LAMA2: variants seen among roughly 807,000 people sequenced by gnomAD.
LAMA2 encodes the protein laminin subunit alpha 2, also known as laminin subunit alpha-2.
In LAMA2, 269 loss-of-function variants were observed where a neutral mutation model predicts 364.8. The observed-to-expected ratio is 0.74, with a 90% CI of 0.67 to 0.82. LAMA2 has a LOEUF of 0.82. Ranked by LOEUF, LAMA2 falls within the 40% of genes least tolerant of loss-of-function variation. The pLI, the probability that LAMA2 is intolerant of heterozygous loss-of-function variation, is 0.00. For synonymous variants in LAMA2, 1,379 were observed against 1,370.6 expected, an observed-to-expected ratio of 1.01 and a Z score of -0.14; for missense variants, 3,807 against 3,873.2, an observed-to-expected ratio of 0.98 and a Z score of 0.45.
At chr6:129,143,064 C>A (rs1778225706) in intron 4 of LAMA2, among the ~76,000 whole-genome samples, 3 of 151,948 alleles carry the variant, frequency 2.0e-5, no homozygotes, top group African/African-American at 4.8e-5. Context: ...CATCAGAATT[C>A]TTTGCTCTTG....
intron 29 of LAMA2, among the ~76,000 whole-genome samples, chr6:129,330,592 G>GTTT (rs1406358715): frequency 0.012 from 946 of 78,252 alleles, 13 homozygotes; most frequent in African/African-American, 0.048. Flanking sequence ...TTGTTGTTTG[G>GTTT]TTTTTGTTTT....
At chr6:129,492,887 C>T (rs533101432) in intron 58 of LAMA2, among the ~76,000 whole-genome samples, 591 of 152,320 alleles carry the variant, frequency 3.9e-3, no homozygotes, top group Non-Finnish European at 5.8e-3. Context: ...GGCGCGGTGG[C>T]TCACGCCTGT....
intron 12 of LAMA2, among the ~76,000 whole-genome samples, chr6:129,224,178 T>C (rs1340708323): frequency 2.0e-5 from 3 of 152,234 alleles, no homozygotes; most frequent in African/African-American, 7.2e-5. Context: ...ATGCTTGTGA[T>C]TTTTCTACAT....
At chr6:129,256,273 C>T (rs1171840324) in intron 14 of LAMA2, among the ~76,000 whole-genome samples, 2 of 152,106 alleles carry the variant, frequency 1.3e-5, no homozygotes, top group African/African-American at 4.8e-5. Context: ...CTCTGAGCCT[C>T]AGATTCTTCA....
At chr6:129,012,786 C>G (rs1454599577) in intron 1 of LAMA2, among the ~76,000 whole-genome samples, 5 of 152,158 alleles carry the variant, frequency 3.3e-5, no homozygotes, top group African/African-American at 1.2e-4. Flanking sequence ...GTGCTTGGCC[C>G]TCACTAATTA....
chr6:129,407,018 A>G (rs1256604877), intron 40 of LAMA2, among the ~76,000 whole-genome samples: 2 of 152,196 alleles, frequency 1.3e-5, no homozygotes, highest in Admixed American at 6.5e-5. Flanking sequence ...GGCAGGAAGT[A>G]TCCAGCATGG....
chr6:129,007,938 T>C (rs1784537187), intron 1 of LAMA2, among the ~76,000 whole-genome samples: 1 of 152,170 alleles, frequency 6.6e-6, no homozygotes, highest in African/African-American at 2.4e-5. Context: ...GTGGGCTTTA[T>C]TGGCTTCCCA....
At chr6:129,017,943 C>T (rs895699491) in intron 1 of LAMA2, among the ~76,000 whole-genome samples, 12 of 151,704 alleles carry the variant, frequency 7.9e-5, no homozygotes, top group African/African-American at 2.4e-4. Context: ...TAAATATATG[C>T]ACAGCAATAT....
At chr6:129,501,272 C>G (rs1785612487) in intron 58 of LAMA2, among the ~76,000 whole-genome samples, 1 of 152,172 alleles carries the variant, frequency 6.6e-6, no homozygotes, top group Non-Finnish European at 1.5e-5. Context: ...CATGCTGCCT[C>G]TAAAAGAGGC....
intron 1 of LAMA2, among the ~76,000 whole-genome samples, chr6:128,957,836 ATTTTTTTTTTTT>A (rs10652900): frequency 5.9e-5 from 3 of 51,264 alleles, no homozygotes; most frequent in Admixed American, 3.0e-4. Context: ...TACTTCATGC[ATTTTTTTTTTTT>A]TTTTTTTTTT....
At chr6:129,295,692 G>C (rs1773128995) in intron 20 of LAMA2, among the ~76,000 whole-genome samples, 1 of 151,760 alleles carries the variant, frequency 6.6e-6, no homozygotes, top group Admixed American at 6.6e-5. Flanking sequence ...AATCTCATTT[G>C]ATATTTGATT....
chr6:129,416,541 C>T (rs182673274), intron 40 of LAMA2, among the ~76,000 whole-genome samples: 22 of 152,234 alleles, frequency 1.4e-4, no homozygotes, highest in Admixed American at 5.9e-4. Flanking sequence ...CCAGTTCCAT[C>T]GCCCAGAGCC....
At chr6:129,136,134 T>C (rs978867572) in intron 4 of LAMA2, among the ~76,000 whole-genome samples, 1 of 152,134 alleles carries the variant, frequency 6.6e-6, no homozygotes, top group Non-Finnish European at 1.5e-5. Flanking sequence ...TTGTACGTCA[T>C]GCCCAATGGG....
intron 1 of LAMA2, among the ~76,000 whole-genome samples, chr6:129,033,603 G>T (rs998968508): frequency 1.3e-5 from 2 of 151,750 alleles, no homozygotes; most frequent in Non-Finnish European, 2.9e-5. Flanking sequence ...CCTTTTTTTG[G>T]TTTAAGGTTC....
At chr6:128,970,999 T>C (rs912836626) in intron 1 of LAMA2, among the ~76,000 whole-genome samples, 4 of 152,172 alleles carry the variant, frequency 2.6e-5, no homozygotes, top group Non-Finnish European at 5.9e-5. Flanking sequence ...TCATTTCTAC[T>C]GCTGGCATGT....
At chr6:129,101,129 A>T (rs1443388991) in intron 4 of LAMA2, among the ~76,000 whole-genome samples, 1 of 152,200 alleles carries the variant, frequency 6.6e-6, no homozygotes, top group East Asian at 1.9e-4. Context: ...AAACATATAA[A>T]CCAGTAAATA....
chr6:129,342,538 A>G, intron 30 of LAMA2, 71 bp downstream of exon 30: 1 of 1,484,754 alleles, frequency 6.7e-7, no homozygotes, highest in Admixed American at 2.1e-5. Flanking sequence ...GCTGTCTATG[A>G]TTTGGCTATT....
chr6:129,302,363 T>C (rs1414953570), intron 22 of LAMA2, among the ~76,000 whole-genome samples: 1 of 152,180 alleles, frequency 6.6e-6, no homozygotes, highest in Non-Finnish European at 1.5e-5. Flanking sequence ...TTGAGTTGTT[T>C]GTTTCCTTAG....
intron 1 of LAMA2, among the ~76,000 whole-genome samples, chr6:128,970,844 A>G (rs1398904200): frequency 2.0e-5 from 3 of 152,222 alleles, no homozygotes; most frequent in African/African-American, 7.2e-5. Context: ...AGAATAGCCT[A>G]TAACTATGAA....
Sources: allele counts gnomAD v4.1 joint callset (sites outside exome capture counted in the v4.1 genomes callset), GRCh38; gene constraint gnomAD v4.1.1; transcripts MANE v1.5; gene names NCBI Gene and HGNC (gene_info 2026-07-23, HGNC 2026-07-21).